The following NCOR2 variants were observed in gnomAD, a reference collection of about 807,000 sequenced individuals.
The protein encoded by NCOR2 is CTG repeat protein 26.
Under a neutral mutation model 262.9 loss-of-function variants are expected in NCOR2, and 81 were observed. The observed-to-expected ratio is 0.31, with a 90% CI of 0.26 to 0.37. The LOEUF (loss-of-function observed/expected upper bound fraction) is 0.37. NCOR2 is among the 10% of genes least tolerant of loss of function. The probability of loss-of-function intolerance (pLI) is 1.00; values close to 1 mark genes in which losing one functional copy is unlikely to be tolerated. For synonymous variants in NCOR2, 1,659 were observed against 1,559.3 expected (o/e 1.06, Z -1.51); for missense variants, 3,385 against 3,621.4 (o/e 0.93, Z 1.68).
chr12:124,460,825 C>T (rs562398821), intron 5 of NCOR2, among the ~76,000 whole-genome samples: 1 of 152,220 alleles, frequency 6.6e-6, no homozygotes, highest in African/African-American at 2.4e-5. Flanking sequence ...CCAATATTCC[C>T]GTGGCTGATA....
At chr12:124,335,538 G>A in exon 39 of NCOR2, 1 of 1,609,380 alleles carries the variant, frequency 6.2e-7, no homozygotes, top group Non-Finnish European at 8.5e-7. Context: ...GCTCTTCCAG[G>A]TGCTTGGGGA....
At chr12:124,361,905 G>A (rs886897386) in intron 22 of NCOR2, among the ~76,000 whole-genome samples, 1 of 152,240 alleles carries the variant, frequency 6.6e-6, no homozygotes, top group African/African-American at 2.4e-5. Context: ...CTTGGCCAAG[G>A]CCAATACGTG....
intron 22 of NCOR2, among the ~76,000 whole-genome samples, chr12:124,358,344 T>C (rs542897755): frequency 6.6e-6 from 1 of 151,392 alleles, no homozygotes; most frequent in East Asian, 2.0e-4. Flanking sequence ...TGTGTGCCTG[T>C]ACACAATGTT....
intron 1 of NCOR2, among the ~76,000 whole-genome samples, chr12:124,543,805 G>A (rs550608271): frequency 1.3e-5 from 2 of 152,318 alleles, no homozygotes; most frequent in Admixed American, 6.5e-5. Flanking sequence ...GAGGCCCCAC[G>A]CGGCAGCACG....
At chr12:124,343,514 G>A (rs2036634257) in intron 32 of NCOR2, among the ~76,000 whole-genome samples, 1 of 152,186 alleles carries the variant, frequency 6.6e-6, no homozygotes, top group South Asian at 2.1e-4. Flanking sequence ...CCCAGTGAAC[G>A]AAACAGAAAT....
exon 47 of NCOR2, chr12:124,325,423 C>T: frequency 1.5e-6 from 1 of 678,208 alleles, no homozygotes; most frequent in Non-Finnish European, 1.9e-6. Flanking sequence ...CGGAGAGTGT[C>T]TCGTACTGCG....
chr12:124,372,487 C>A, exon 20 of NCOR2: 3 of 1,575,178 alleles, frequency 1.9e-6, no homozygotes, highest in Non-Finnish European at 2.6e-6. Context: ...GGTGGGTGGC[C>A]CTGGGGGTGG....
chr12:124,379,659 C>A (rs1186560204), intron 17 of NCOR2, among the ~76,000 whole-genome samples: 1 of 152,206 alleles, frequency 6.6e-6, no homozygotes, highest in Non-Finnish European at 1.5e-5. Context: ...CAGCTCTCAG[C>A]CAAGAGCCCT....
chr12:124,526,177 C>T (rs116429712), intron 1 of NCOR2, among the ~76,000 whole-genome samples: 60 of 152,278 alleles, frequency 3.9e-4, no homozygotes, highest in African/African-American at 1.4e-3. Flanking sequence ...TGCTCCAACC[C>T]CCAGGAACAC....
chr12:124,387,605 T>TGGGAGCCACGTGGCCTC (rs2040914742), intron 16 of NCOR2, among the ~76,000 whole-genome samples: 1 of 152,154 alleles, frequency 6.6e-6, no homozygotes, highest in Non-Finnish European at 1.5e-5. Context: ...GCCGTGGCCC[T>TGGGAGCCACGTGGCCTC]GGGAGCCACG....
intron 7 of NCOR2, among the ~76,000 whole-genome samples, chr12:124,442,519 T>G (rs1272826216): frequency 2.6e-5 from 4 of 152,246 alleles, no homozygotes; most frequent in Non-Finnish European, 5.9e-5. Flanking sequence ...GGGGGAACTC[T>G]GTGGAGCGTA....
chr12:124,371,321 G>T (rs1432346790), intron 20 of NCOR2, among the ~76,000 whole-genome samples: 1 of 152,050 alleles, frequency 6.6e-6, no homozygotes, highest in Non-Finnish European at 1.5e-5. Flanking sequence ...ACCACGCTGA[G>T]GGTAGAACTG....
chr12:124,467,875 C>A (rs1433390958), intron 4 of NCOR2, among the ~76,000 whole-genome samples: 1 of 53,190 alleles, frequency 1.9e-5, no homozygotes, highest in Non-Finnish European at 3.6e-5. Context: ...ACCCCCATCA[C>A]CCTCATCCTC....
intron 27 of NCOR2, among the ~76,000 whole-genome samples, chr12:124,353,420 C>T (rs1186864305): frequency 1.3e-5 from 2 of 152,218 alleles, no homozygotes; most frequent in African/African-American, 2.4e-5. Context: ...GTAAATGGCT[C>T]CTCTGTGGTG....
At chr12:124,460,733 G>A (rs2046119898) in intron 5 of NCOR2, among the ~76,000 whole-genome samples, 1 of 152,210 alleles carries the variant, frequency 6.6e-6, no homozygotes, top group Non-Finnish European at 1.5e-5. Context: ...ACTTGGATAG[G>A]AGGTCACCAA....
intron 1 of NCOR2, among the ~76,000 whole-genome samples, chr12:124,525,070 T>C (rs1479011355): frequency 6.6e-6 from 1 of 152,208 alleles, no homozygotes; most frequent in East Asian, 1.9e-4. Flanking sequence ...CTGCCTTAAA[T>C]GTGAAAAACA....
In NCOR2 at chr12:124,378,464, G is replaced by C. The variant is rs528994332; in HGVS notation, c.2020-80C>G. 7 of 1,409,904 alleles carry C rather than the reference G, an allele frequency of 5.0e-6. No individual in the cohort carries two copies. Among genetic ancestry groups the C allele is most frequent in the Non-Finnish European group, 4.8e-6 (5 of 1,052,134 alleles). The allele number at this position is 1,409,904 out of a possible 1,614,324, so 87.3% of individuals were successfully genotyped here. ...GACTCCCCATGCCTGGGGCCTCGCCGCAGGTGCAAAGGGCAGTGATCCCGG... is the reference window on the plus strand; with the variant it reads ...GACTCCCCATGCCTGGGGCCTCGCCCCAGGTGCAAAGGGCAGTGATCCCGG... On this transcript the variant is annotated intron_variant, in intron 17 of 46. Transcript: ENST00000405201. This position sits in a 1 kb window ranked among gnomAD's most constrained non-coding sequence, Gnocchi z 4.2.
intron 16 of NCOR2, among the ~76,000 whole-genome samples, chr12:124,397,304 T>C (rs2041741016): frequency 6.6e-6 from 1 of 152,206 alleles, no homozygotes; most frequent in Non-Finnish European, 1.5e-5. Context: ...CAGGGTTATC[T>C]GATTCCGCAC....
At chr12:124,509,235 T>TG (rs1555234131) in intron 1 of NCOR2, among the ~76,000 whole-genome samples, 12,441 of 53,352 alleles carry the variant, frequency 0.23, 1,375 homozygotes, top group Admixed American at 0.28. Context: ...CTGGCTTTGG[T>TG]GGGGGGGGGG....
Sources: gnomAD v4.1 joint callset for allele counts (sites outside exome capture counted in the v4.1 genomes callset) on GRCh38, gnomAD v4.1.1 for gene constraint, Gnocchi (gnomAD v3.1) non-coding constraint, MANE v1.5 for transcripts, NCBI Gene and HGNC (gene_info 2026-07-23, HGNC 2026-07-21) for gene names.